The following SSBP2 variants were observed in gnomAD, a reference collection of about 807,000 sequenced individuals.
SSBP2 encodes the protein single-stranded DNA-binding protein 2.
SSBP2 carries 17 observed loss-of-function variants against 61.8 expected under a neutral mutation model. The ratio of observed to expected loss-of-function variants is 0.28; its 90% CI spans 0.19 to 0.41. The LOEUF is 0.41. SSBP2 is among the 10% of genes least tolerant of loss of function. The probability of loss-of-function intolerance (pLI) is 1.00; values close to 1 mark genes in which losing one functional copy is unlikely to be tolerated. For missense variants in SSBP2, 310 were observed against 458.7 expected (o/e 0.68, Z 2.96); for synonymous variants, 139 against 141.3 (o/e 0.98, Z 0.12).
chr5:81,714,517 C>T (rs1755044514), intron 1 of SSBP2, among the ~76,000 whole-genome samples: 1 of 152,168 alleles, frequency 6.6e-6, no homozygotes, highest in Non-Finnish European at 1.5e-5. Context: ...TTTACACTCC[C>T]AACAGTGTAA....
At chr5:81,647,056 C>T (rs1749337445) in intron 2 of SSBP2, among the ~76,000 whole-genome samples, 1 of 152,158 alleles carries the variant, frequency 6.6e-6, no homozygotes, top group African/African-American at 2.4e-5. Context: ...ATGTACTCAG[C>T]AATGGCTTAT....
At chr5:81,630,014 T>C (rs1456586542) in intron 3 of SSBP2, among the ~76,000 whole-genome samples, 1 of 152,228 alleles carries the variant, frequency 6.6e-6, no homozygotes, top group Non-Finnish European at 1.5e-5. Flanking sequence ...CTGTAAATAT[T>C]TGGTGAAAAG....
At chr5:81,558,151 T>C (rs1002376743) in intron 4 of SSBP2, among the ~76,000 whole-genome samples, 3 of 152,204 alleles carry the variant, frequency 2.0e-5, no homozygotes, top group African/African-American at 4.8e-5. Flanking sequence ...TACAGTACCC[T>C]GTGCTTTCCC....
Position 81,665,613 on chromosome 5 carries a change from C to T in SSBP2, c.63-15274G>A, listed in dbSNP as rs990906296. Reference sequence around the variant, plus strand: ...GGTTCAAGCGATCCTCCTGCTTCAGCCACCTGAGTAGCTAGGATTACAGGC... The same window carrying T: ...GGTTCAAGCGATCCTCCTGCTTCAGTCACCTGAGTAGCTAGGATTACAGGC... On this transcript the variant is annotated intron_variant, in intron 1 of 16. Transcript: ENST00000320672. 4.6e-5 allele frequency among the ~76,000 whole-genome samples: 7 copies of T among 152,184 alleles called. 1 individual carries two copies. Among genetic ancestry groups the T allele is most frequent in the South Asian group, 4.1e-4 (2 of 4,830 alleles).
intron 8 of SSBP2, among the ~76,000 whole-genome samples, chr5:81,467,377 C>T (rs1764960472): frequency 6.6e-6 from 1 of 151,750 alleles, no homozygotes. Context: ...ATCATAAATC[C>T]AAAATTCAAT....
At chr5:81,709,043 T>G (rs376099220) in intron 1 of SSBP2, among the ~76,000 whole-genome samples, 1 of 151,868 alleles carries the variant, frequency 6.6e-6, no homozygotes, top group South Asian at 2.1e-4. Context: ...TACACAGGAG[T>G]ATAAAAGTAA....
intron 4 of SSBP2, among the ~76,000 whole-genome samples, chr5:81,559,384 C>CAAAA (rs36034616): frequency 3.1e-5 from 3 of 95,940 alleles, no homozygotes; most frequent in Non-Finnish European, 6.2e-5. Context: ...GAGATTTCAT[C>CAAAA]AAAAAAAAAA....
At chr5:81,609,239 G>A (rs1433606183) in intron 4 of SSBP2, among the ~76,000 whole-genome samples, 1 of 152,134 alleles carries the variant, frequency 6.6e-6, no homozygotes, top group Non-Finnish European at 1.5e-5. Context: ...CTGATACTGT[G>A]TTTGATTTTT....
chr5:81,475,792 C>T lies in SSBP2; in HGVS notation c.433-1230G>A, dbSNP rs142643286. On this transcript the variant is annotated intron_variant, in intron 6 of 16. Transcript: ENST00000320672. ...GGGATCACTTCCTAACAAAATTATT[C>T]CCTGTAGCCTCAATCTGGGATAAGC... Among the ~76,000 whole-genome samples the T allele has an allele frequency of 2.3e-3, 352 of 152,142 alleles. 1 individual carries two copies. The highest frequency in any genetic ancestry group is 8.0e-3 in the African/African-American group (333 of 41,530).
At chr5:81,454,473 G>A (rs1763993212) in intron 10 of SSBP2, among the ~76,000 whole-genome samples, 1 of 152,304 alleles carries the variant, frequency 6.6e-6, no homozygotes, top group African/African-American at 2.4e-5. Flanking sequence ...CTGAGGTCAG[G>A]AATTCGAGAC....
At position 81,455,893 on chromosome 5, in the gene SSBP2, T is replaced by A. The variant is rs559826049; in HGVS notation, c.687+5162A>T. Among the ~76,000 whole-genome samples the A allele has an allele frequency of 2.5e-3, 374 of 152,274 alleles. 1 individual carries two copies. Among genetic ancestry groups the A allele is most frequent in the Non-Finnish European group, 4.0e-3 (270 of 68,008 alleles). Reference sequence around the variant, plus strand: ...TCCAAATATTCTGAAATATTCTGAGTCCCAATACCCATGATTGTGGTGCTG... The same window carrying A: ...TCCAAATATTCTGAAATATTCTGAGACCCAATACCCATGATTGTGGTGCTG... On this transcript the variant is annotated intron_variant, in intron 10 of 16. Transcript: ENST00000320672.
At chr5:81,653,311 T>A (rs990835282) in intron 1 of SSBP2, among the ~76,000 whole-genome samples, 4 of 152,174 alleles carry the variant, frequency 2.6e-5, no homozygotes, top group African/African-American at 9.7e-5. Flanking sequence ...TATTCCACAG[T>A]GTATATGTGC....
chr5:81,635,486 G>C (rs1198827407), intron 3 of SSBP2, among the ~76,000 whole-genome samples: 1 of 152,074 alleles, frequency 6.6e-6, no homozygotes, highest in Non-Finnish European at 1.5e-5. Flanking sequence ...GGAAAAGTGA[G>C]GGTTTGAAGA....
chr5:81,691,138 A>T (rs1753173942), intron 1 of SSBP2, among the ~76,000 whole-genome samples: 1 of 152,096 alleles, frequency 6.6e-6, no homozygotes. Flanking sequence ...TCAAATAAAC[A>T]ATCTAACAAT....
chr5:81,599,778 C>T (rs1171544722), intron 4 of SSBP2, among the ~76,000 whole-genome samples: 1 of 152,216 alleles, frequency 6.6e-6, no homozygotes, highest in Non-Finnish European at 1.5e-5. Context: ...AGTGTGGATG[C>T]AGAGGGGAAT....
chr5:81,598,108 C>T lies in SSBP2; in HGVS notation c.282+17365G>A, dbSNP rs866111795. 7.2e-5 allele frequency among the ~76,000 whole-genome samples: 11 copies of T among 151,778 alleles called. No individual in the cohort carries two copies. In the East Asian group the frequency reaches 1.2e-3, roughly 16 times the overall value. On this transcript the variant is annotated intron_variant, in intron 4 of 16. Coordinates refer to ENST00000320672, the MANE Select transcript of SSBP2 (RefSeq NM_012446.5). ...AGAATTTTCCAAAATTAATAAAAGA[C>T]GATAAACCACAGATCCAACTTACTC...
At chr5:81,541,603 C>A (rs1394202878) in intron 4 of SSBP2, among the ~76,000 whole-genome samples, 1 of 151,890 alleles carries the variant, frequency 6.6e-6, no homozygotes, top group Non-Finnish European at 1.5e-5. Context: ...AATAGAGAAC[C>A]CAGAAAAAAA....
chr5:81,643,603 T>C (rs1748994501), intron 2 of SSBP2, among the ~76,000 whole-genome samples: 2 of 135,968 alleles, frequency 1.5e-5, no homozygotes, highest in African/African-American at 2.8e-5. Flanking sequence ...TTCTTTTTTT[T>C]TTTTTTTTTT....
rs1044673240 is a variant in SSBP2, at chr5:81,750,819, G to T, written c.62+162C>A. 3.8e-6 allele frequency: 3 copies of T among 788,926 alleles called. No individual in the cohort carries two copies. The East Asian group carries it at 8.5e-5, about 22-fold the overall frequency. 48.9% of individuals were successfully genotyped at this position (788,926 alleles called of 1,614,324 possible). On this transcript the variant is annotated intron_variant, in intron 1 of 16. Coordinates refer to ENST00000320672, the MANE Select transcript of SSBP2 (RefSeq NM_012446.5). ...CGCCCGCACCTCCCGGGAAAGCGCAGCTCCCCGCACCACACGCCCCCATCG... is the reference window on the plus strand; with the variant it reads ...CGCCCGCACCTCCCGGGAAAGCGCATCTCCCCGCACCACACGCCCCCATCG...
Sources: allele counts gnomAD v4.1 joint callset (sites outside exome capture counted in the v4.1 genomes callset), GRCh38; gene constraint gnomAD v4.1.1; transcripts MANE v1.5; gene names NCBI Gene and HGNC (gene_info 2026-07-23, HGNC 2026-07-21).